ITGB5: variants seen among roughly 807,000 people sequenced by gnomAD.
The protein encoded by ITGB5 is integrin beta-5.
In ITGB5, 38 loss-of-function variants were observed where a neutral mutation model predicts 84.8. The observed-to-expected ratio is 0.45, with a 90% confidence interval of 0.35 to 0.59. ITGB5 has a LOEUF of 0.59. Ranked by LOEUF, ITGB5 falls within the 20% of genes least tolerant of loss-of-function variation. ITGB5 has a pLI of 0.01. For missense variants in ITGB5, 905 were observed against 1,034.5 expected, an observed-to-expected ratio of 0.87 and a Z score of 1.72; for synonymous variants, 393 against 414.4, an observed-to-expected ratio of 0.95 and a Z score of 0.63.
At chr3:124,847,582 T>C (rs973606962) in intron 4 of ITGB5, among the ~76,000 whole-genome samples, 1 of 152,192 alleles carries the variant, frequency 6.6e-6, no homozygotes, top group Admixed American at 6.5e-5. Context: ...CTAGGCAGCA[T>C]GACCTTAGGA....
At chr3:124,888,027 C>A (rs1197102789), upstream of ITGB5, among the ~76,000 whole-genome samples, 24 of 151,796 alleles carry the variant, frequency 1.6e-4, no homozygotes, top group Non-Finnish European at 4.4e-5. Context: ...AAGGTTCCTC[C>A]ACCTTAGCCT....
chr3:124,896,916 C>CAA (rs5852431), intron 1 of ITGB5, among the ~76,000 whole-genome samples: 2,738 of 137,568 alleles, frequency 0.02, 81 homozygotes, highest in African/African-American at 0.065. Flanking sequence ...AAAGAAAAGC[C>CAA]AAAAAAAAAA....
intron 10 of ITGB5, chr3:124,792,447 A>G (rs931754944): frequency 6.6e-6 from 1 of 152,246 alleles, no homozygotes; most frequent in Non-Finnish European, 1.5e-5. Flanking sequence ...CTGAGCACAC[A>G]GCCTCAGAAG....
At chr3:124,847,344 C>T (rs1305437421) in intron 4 of ITGB5, among the ~76,000 whole-genome samples, 1 of 152,158 alleles carries the variant, frequency 6.6e-6, no homozygotes, top group Non-Finnish European at 1.5e-5. Context: ...AGAAACCAAC[C>T]TAGTAGAGGT....
rs1451769281 is a variant in ITGB5, at chr3:124,798,889, ATCCTGCTCTATAAG to A, written c.1264-2086_1264-2073del. Reference sequence around the variant, plus strand: ...GGTATGGGACTGAGCAGGAGGATAGATCCTGCTCTATAAGTCCTGCAGAAAGTCCTGCGTGGCAG... The same window carrying A: ...GGTATGGGACTGAGCAGGAGGATAGATCCTGCAGAAAGTCCTGCGTGGCAG... On this transcript the variant is annotated intron_variant, in intron 9 of 14. Coordinates refer to ENST00000296181, the MANE Select transcript of ITGB5 (RefSeq NM_002213.5). Among the ~76,000 whole-genome samples, 10 of 152,364 alleles carry A rather than the reference ATCCTGCTCTATAAG, an allele frequency of 6.6e-5. No individual in the cohort carries two copies. In the East Asian group the frequency reaches 1.5e-3, roughly 23 times the overall value.
At chr3:124,854,859 C>A (rs1559970384) in intron 3 of ITGB5, among the ~76,000 whole-genome samples, 1 of 152,158 alleles carries the variant, frequency 6.6e-6, no homozygotes, top group African/African-American at 2.4e-5. Context: ...TACCTTGGAA[C>A]AATTACTTTG....
At chr3:124,803,594 G>A (rs570674365) in intron 9 of ITGB5, among the ~76,000 whole-genome samples, 9 of 152,342 alleles carry the variant, frequency 5.9e-5, no homozygotes, top group Admixed American at 3.3e-4. Flanking sequence ...GGTTTGGCTT[G>A]TGAGTTCACT....
chr3:124,853,688 G>A (rs1187861591), intron 3 of ITGB5, among the ~76,000 whole-genome samples: 1 of 152,148 alleles, frequency 6.6e-6, no homozygotes, highest in Non-Finnish European at 1.5e-5. Context: ...AATAGGGGCT[G>A]GCAGGAAACC....
intron 7 of ITGB5, among the ~76,000 whole-genome samples, chr3:124,819,132 T>A (rs544018138): frequency 6.6e-6 from 1 of 152,312 alleles, no homozygotes; most frequent in Admixed American, 6.5e-5. Context: ...ACGGAACAGA[T>A]CCATACCCAG....
intron 11 of ITGB5, among the ~76,000 whole-genome samples, chr3:124,772,634 A>G (rs1378329712): frequency 6.6e-6 from 1 of 152,188 alleles, no homozygotes; most frequent in Non-Finnish European, 1.5e-5. Context: ...CCAAGAGCAA[A>G]TGTCACTCCT....
chr3:124,891,748 C>A (rs951890832), upstream of ITGB5, among the ~76,000 whole-genome samples: 10 of 151,438 alleles, frequency 6.6e-5, no homozygotes, highest in Admixed American at 5.3e-4. Context: ...CATGGTGAAA[C>A]CCCATCTCTA....
intron 5 of ITGB5, 88 bp downstream of exon 5, chr3:124,841,295 C>A (rs137856385): frequency 1.5e-6 from 2 of 1,334,062 alleles, no homozygotes; most frequent in Non-Finnish European, 2.1e-6. Flanking sequence ...CTGGGGCACT[C>A]AAAGACTCCT....
At chr3:124,861,495 T>TATATATATATATATATATACAC (rs750712591) in intron 2 of ITGB5, among the ~76,000 whole-genome samples, 4 of 112,014 alleles carry the variant, frequency 3.6e-5, no homozygotes, top group African/African-American at 1.5e-4. Context: ...TATATATATA[T>TATATATATATATATATATACAC]ACACACACAC....
chr3:124,873,430 TC>T lies in ITGB5; in HGVS notation c.156+15del. 6.6e-7 allele frequency: 1 copy of T among 1,520,104 alleles called. No individual in the cohort carries two copies. Among genetic ancestry groups the T allele is most frequent in the Non-Finnish European group, 9.1e-7 (1 of 1,094,782 alleles). 94.2% of individuals were successfully genotyped at this position (1,520,104 alleles called of 1,614,324 possible). The stretch of plus-strand genomic sequence containing the variant: ...AGCATTCCTTCCCTTCTTCCTCCCC[TC>T]CCCCACCTACATACCTCTTTGGAGC... On this transcript the variant is annotated intron_variant, in intron 2 of 14. Transcript: ENST00000296181.
chr3:124,763,731 GC>G lies in ITGB5; in HGVS notation c.2305-14del. The G allele has an allele frequency of 6.7e-7, 1 of 1,501,450 alleles. No individual in the cohort carries two copies. The highest frequency in any genetic ancestry group is 9.3e-7 in the Non-Finnish European group (1 of 1,077,712). The allele number at this position is 1,501,450 out of a possible 1,614,324, so 93.0% of individuals were successfully genotyped here. A position where few individuals can be genotyped will look rare whatever the true frequency, so the allele number is the denominator to read the frequency against. On this transcript the variant is annotated splice_polypyrimidine_tract_variant and intron_variant, in intron 14 of 14. Transcript: ENST00000296181. ...ATGGATTTGAAGCCTACAGAACACG[GC>G]GGGGAAGAGGATGAGGACACATGTT... is the stretch of plus-strand genomic sequence containing the variant.
upstream of ITGB5, among the ~76,000 whole-genome samples, chr3:124,888,620 A>G (rs527690207): frequency 7.0e-4 from 106 of 152,126 alleles, no homozygotes; most frequent in Non-Finnish European, 1.0e-3. Flanking sequence ...TCCTCCGACA[A>G]CCCTACTGTT....
intron 2 of ITGB5, among the ~76,000 whole-genome samples, chr3:124,867,620 G>A (rs967683578): frequency 6.6e-6 from 1 of 152,208 alleles, no homozygotes; most frequent in Non-Finnish European, 1.5e-5. Context: ...CAAAGCTAGA[G>A]CAAGTCTCCC....
At chr3:124,810,810 A>C (rs1202648661) in intron 8 of ITGB5, among the ~76,000 whole-genome samples, 1 of 152,172 alleles carries the variant, frequency 6.6e-6, no homozygotes, top group Non-Finnish European at 1.5e-5. Context: ...CAACATCCGC[A>C]GACGGCCCTG....
intron 10 of ITGB5, chr3:124,787,489 G>C (rs1457879193): frequency 6.6e-6 from 1 of 152,204 alleles, no homozygotes; most frequent in East Asian, 1.9e-4. Context: ...CAAGAAAGAA[G>C]TGGAAAATTC....
Sources: gnomAD v4.1 joint callset for allele counts (sites outside exome capture counted in the v4.1 genomes callset) on GRCh38, gnomAD v4.1.1 for gene constraint, MANE v1.5 for transcripts, NCBI Gene and HGNC (gene_info 2026-07-23, HGNC 2026-07-21) for gene names.